Variants in LRRC7 observed in about 807,000 individuals in gnomAD.
LRRC7 encodes the protein leucine rich repeat containing 7.
A neutral mutation model predicts 175.7 loss-of-function variants in LRRC7; 23 were observed. That is an observed-to-expected ratio of 0.13 (90% CI 0.09 to 0.19). The LOEUF (loss-of-function observed/expected upper bound fraction) is 0.19. LRRC7 is among the 10% of genes least tolerant of loss of function. The pLI is 1.00. For missense variants in LRRC7, 1,354 were observed against 1,904.7 expected (o/e 0.71, Z 5.38); for synonymous variants, 685 against 680.9 (o/e 1.01, Z -0.09).
At position 70,039,429 on chromosome 1, in the gene LRRC7, A is replaced by G. The variant is rs1330227496; in HGVS notation, c.3605A>G (p.Gln1202Arg). 6.2e-7 allele frequency: 1 copy of G among 1,614,052 alleles called. No homozygotes were observed. The highest frequency in any genetic ancestry group is 8.5e-7 in the Non-Finnish European group (1 of 1,180,032). The change falls in exon 21 of 27, where the codon CAG becomes CGG. Residue 1202 changes from glutamine to arginine, a missense_variant. Around this residue, in one of 4 missense-constraint regions of LRRC7, gnomAD observed 1,032 missense variants for 1,227.2 expected, o/e 0.84. Coordinates refer to ENST00000651989, the MANE Select transcript of LRRC7 (RefSeq NM_001370785.2). ...AGCAGCGTTACAGTGACTGAGTCCC[A>G]GTTCCTGAAAAGGAATGGCAGGTAT... ...RQSSVTVTES[Q>R]FLKRNGRYED...
chr1:70,017,510 G>A lies in LRRC7; in HGVS notation c.1320+976G>A, dbSNP rs571414271. Among the ~76,000 whole-genome samples the A allele has an allele frequency of 3.9e-5, 6 of 151,960 alleles. No individual in the cohort carries two copies. In the East Asian group the frequency reaches 1.2e-3, roughly 29 times the overall value. On this transcript the variant is annotated intron_variant, in intron 14 of 26. Transcript: ENST00000651989. ...GTTTATTAGTCCTCTTTTTTCTTGT[G>A]ATCCTTAAATTTTGAAACACCTATC... is the stretch of plus-strand genomic sequence containing the variant.
chr1:69,695,810 G>T (rs997260716), intron 2 of LRRC7, among the ~76,000 whole-genome samples: 5 of 152,220 alleles, frequency 3.3e-5, no homozygotes, highest in Non-Finnish European at 7.3e-5. Context: ...CTAAGCTTTG[G>T]TGGCTTCCAT....
intron 8 of LRRC7, 77 bp from the exon 9 acceptor site, chr1:69,980,302 T>C: frequency 8.3e-7 from 1 of 1,202,766 alleles, no homozygotes; most frequent in South Asian, 1.3e-5. Flanking sequence ...TCCAAGAAAT[T>C]ACATCTTATG....
At chr1:69,791,451 G>T (rs2101059365) in intron 3 of LRRC7, among the ~76,000 whole-genome samples, 1 of 151,940 alleles carries the variant, frequency 6.6e-6, no homozygotes, top group East Asian at 1.9e-4. Context: ...CTAATACTTT[G>T]GACTGATGGC....
intron 7 of LRRC7, among the ~76,000 whole-genome samples, chr1:69,881,175 G>A (rs776018960): frequency 1.9e-4 from 29 of 152,140 alleles, no homozygotes; most frequent in Admixed American, 6.5e-4. Flanking sequence ...TAGCTCCACT[G>A]GATAGAAAAG....
At chr1:69,569,906 C>CAAAAAAAAAAA (rs71071364) in intron 1 of LRRC7, among the ~76,000 whole-genome samples, 2 of 87,104 alleles carry the variant, frequency 2.3e-5, no homozygotes, top group Non-Finnish European at 2.1e-5. Flanking sequence ...AAAGGAATTA[C>CAAAAAAAAAAA]AAAAAAAAAA....
chr1:69,784,104 A>G (rs1017966307), intron 3 of LRRC7, among the ~76,000 whole-genome samples: 4 of 152,228 alleles, frequency 2.6e-5, no homozygotes, highest in African/African-American at 9.6e-5. Context: ...ACTATTAATA[A>G]CATAATATCA....
At chr1:69,842,097 A>G (rs1198994424) in intron 7 of LRRC7, among the ~76,000 whole-genome samples, 1 of 152,168 alleles carries the variant, frequency 6.6e-6, no homozygotes, top group African/African-American at 2.4e-5. Context: ...TAAATAAAAT[A>G]CAAAAATAGT....
chr1:69,970,972 A>G (rs1181270010), intron 8 of LRRC7, among the ~76,000 whole-genome samples: 1 of 152,214 alleles, frequency 6.6e-6, no homozygotes, highest in African/African-American at 2.4e-5. Context: ...GGGATGGTTT[A>G]ACATACACAA....
intron 7 of LRRC7, among the ~76,000 whole-genome samples, chr1:69,900,149 G>T (rs932167481): frequency 6.6e-6 from 1 of 152,160 alleles, no homozygotes; most frequent in Admixed American, 6.5e-5. Context: ...GATTTGGCCT[G>T]CAGGCTATCA....
intron 2 of LRRC7, among the ~76,000 whole-genome samples, chr1:69,731,081 C>T (rs1209168755): frequency 6.6e-6 from 1 of 151,966 alleles, no homozygotes; most frequent in African/African-American, 2.4e-5. Context: ...GTGGGCGGAT[C>T]ATGAAGTCAG....
intron 8 of LRRC7, among the ~76,000 whole-genome samples, chr1:69,965,396 G>A (rs150194682): frequency 9.9e-5 from 15 of 152,006 alleles, no homozygotes; most frequent in African/African-American, 2.9e-4. Flanking sequence ...ACAATCCTCC[G>A]AGTATTTAAA....
intron 8 of LRRC7, among the ~76,000 whole-genome samples, chr1:69,933,832 G>A (rs954105882): frequency 6.6e-6 from 1 of 152,128 alleles, no homozygotes; most frequent in Non-Finnish European, 1.5e-5. Flanking sequence ...AATAATGTAT[G>A]ATTTATGGTA....
chr1:69,608,840 C>G (rs1648118378), intron 1 of LRRC7, among the ~76,000 whole-genome samples: 1 of 46,530 alleles, frequency 2.1e-5, no homozygotes, highest in East Asian at 5.5e-4. Flanking sequence ...CTCTCTCTCT[C>G]TCTCTCTCTC....
chr1:69,678,401 G>A lies in LRRC7; in HGVS notation c.23G>A (p.Gly8Glu), dbSNP rs750067971. The change falls in exon 2 of 27, where the codon GGA (glycine) becomes GAA (glutamate). Residue 8 changes from glycine (G) to glutamate (E), a missense_variant. This residue lies in a region of LRRC7 where 68 missense variants were observed against 83.4 expected (regional missense o/e 0.82). Transcript: ENST00000651989. MMENLIR[G>E]RNPPQYQRSP... ...TATAGGATGGAGAACCTAATAAGGG[G>A]AAGGAATCCCCCGCAATACCAGAGA... The A allele has an allele frequency of 3.3e-5, 52 of 1,599,876 alleles. No homozygotes were observed. The highest frequency in any genetic ancestry group is 3.3e-4 in the Middle Eastern group (2 of 6,066).
chr1:70,135,381 G>A lies in LRRC7; in HGVS notation c.*13494G>A, dbSNP rs1571404843. ...GAACAAACATCATTTTTTTAGTTCT[G>A]TCATGAGGTAAAGATGTAAAGATGT... On this transcript the variant is annotated 3_prime_UTR_variant, in exon 27 of 27. Transcript: ENST00000651989. 3.9e-5 allele frequency among the ~76,000 whole-genome samples: 6 copies of A among 152,158 alleles called. No homozygotes were observed. In the South Asian group the frequency reaches 1.0e-3, roughly 26 times the overall value.
At chr1:69,900,091 T>C (rs984759736) in intron 7 of LRRC7, among the ~76,000 whole-genome samples, 5 of 152,320 alleles carry the variant, frequency 3.3e-5, no homozygotes, top group African/African-American at 1.2e-4. Flanking sequence ...TTTAAAAACG[T>C]AAAAACCATT....
In LRRC7 at chr1:70,025,057, A is replaced by G. The variant is rs1050008228; in HGVS notation, c.1794+1683A>G. Among the ~76,000 whole-genome samples, 13 of 152,184 alleles carry G rather than the reference A, an allele frequency of 8.5e-5. No individual in the cohort carries two copies. In the East Asian group the frequency reaches 2.5e-3, roughly 29 times the overall value. ...ACTCTGAGCTAAGTAACACTTGTGT[A>G]GCATAAGCACTGGAGTCAAAAGACC... On this transcript the variant is annotated intron_variant, in intron 17 of 26. Transcript: ENST00000651989.
intron 24 of LRRC7, among the ~76,000 whole-genome samples, chr1:70,089,228 A>G (rs548109318): frequency 1.4e-4 from 21 of 152,268 alleles, no homozygotes; most frequent in African/African-American, 4.8e-4. Context: ...TAATATTCCT[A>G]AACAAAGAAT....
Sources: gnomAD v4.1 joint callset for allele counts (sites outside exome capture counted in the v4.1 genomes callset) on GRCh38, gnomAD v4.1.1 for gene constraint, gnomAD v4.1.1 regional missense constraint, MANE v1.5 for transcripts, NCBI Gene and HGNC (gene_info 2026-07-23, HGNC 2026-07-21) for gene names.